Variants in CTNND2 observed in about 807,000 individuals in gnomAD.
The protein encoded by CTNND2 is catenin delta 2.
Under a neutral mutation model 144.4 loss-of-function variants are expected in CTNND2, and 22 were observed. The ratio of observed to expected loss-of-function variants is 0.15; its 90% CI spans 0.11 to 0.22. CTNND2 has a LOEUF of 0.22. Ranked by LOEUF, CTNND2 falls within the 10% of genes least tolerant of loss-of-function variation. CTNND2 has a pLI of 1.00. For missense variants in CTNND2, 1,353 were observed against 1,618.8 expected, an observed-to-expected ratio of 0.84 and a Z score of 2.82; for synonymous variants, 751 against 695.6, an observed-to-expected ratio of 1.08 and a Z score of -1.25.
intron 9 of CTNND2, among the ~76,000 whole-genome samples, chr5:11,337,399 G>T (rs1444968134): frequency 6.6e-6 from 1 of 152,120 alleles, no homozygotes; most frequent in Non-Finnish European, 1.5e-5. Context: ...AAATGCAGAT[G>T]AAGAGAGAGA....
chr5:11,757,860 A>G (rs577213651), intron 1 of CTNND2, among the ~76,000 whole-genome samples: 1 of 152,088 alleles, frequency 6.6e-6, no homozygotes, highest in East Asian at 1.9e-4. Context: ...CCTTACATCC[A>G]ATGTAAAAAG....
chr5:11,633,261 T>C (rs879560900), intron 2 of CTNND2, among the ~76,000 whole-genome samples: 1 of 152,090 alleles, frequency 6.6e-6, no homozygotes, highest in Non-Finnish European at 1.5e-5. Flanking sequence ...AAATTACTCT[T>C]CCTTAACAAG....
chr5:11,441,262 T>A (rs1764233818), intron 3 of CTNND2, among the ~76,000 whole-genome samples: 1 of 152,150 alleles, frequency 6.6e-6, no homozygotes, highest in African/African-American at 2.4e-5. Context: ...TAATTTCACT[T>A]GCCCCGAACA....
intron 2 of CTNND2, among the ~76,000 whole-genome samples, chr5:11,606,470 CAG>C (rs1301541422): frequency 4.1e-5 from 6 of 144,974 alleles, no homozygotes; most frequent in African/African-American, 1.5e-4. Context: ...GCTCTTTGGA[CAG>C]AGTTTGAGGG....
intron 3 of CTNND2, among the ~76,000 whole-genome samples, chr5:11,516,617 A>G (rs2150033057): frequency 6.6e-6 from 1 of 152,312 alleles, no homozygotes; most frequent in South Asian, 2.1e-4. Flanking sequence ...TAATAAAAGC[A>G]AAATAAGTGC....
At chr5:11,370,476 C>T (rs1757370263) in intron 7 of CTNND2, among the ~76,000 whole-genome samples, 2 of 152,188 alleles carry the variant, frequency 1.3e-5, no homozygotes, top group Admixed American at 1.3e-4. Context: ...TAATGTGTTA[C>T]ACCTTCCATT....
intron 10 of CTNND2, among the ~76,000 whole-genome samples, chr5:11,220,073 A>G (rs1312407564): frequency 6.6e-6 from 1 of 152,146 alleles, no homozygotes; most frequent in African/African-American, 2.4e-5. Flanking sequence ...TTTGTAAACG[A>G]TATTATTATT....
At chr5:11,253,598 T>C (rs1330661920) in intron 9 of CTNND2, among the ~76,000 whole-genome samples, 1 of 152,326 alleles carries the variant, frequency 6.6e-6, no homozygotes, top group East Asian at 1.9e-4. Flanking sequence ...GTGAGTCCAT[T>C]AAACCTCTTT....
At chr5:11,767,622 ATCATAT>A (rs1789671955) in intron 1 of CTNND2, among the ~76,000 whole-genome samples, 1 of 152,170 alleles carries the variant, frequency 6.6e-6, no homozygotes, top group Non-Finnish European at 1.5e-5. Flanking sequence ...CCCCTCCTTC[ATCATAT>A]TGAAAATGGA....
chr5:11,796,375 A>G (rs1443639191), intron 1 of CTNND2, among the ~76,000 whole-genome samples: 2 of 152,208 alleles, frequency 1.3e-5, no homozygotes, highest in Non-Finnish European at 2.9e-5. Context: ...CCTAGAAACT[A>G]CTTTTGCACT....
intron 2 of CTNND2, among the ~76,000 whole-genome samples, chr5:11,597,212 G>C (rs1182716238): frequency 6.6e-6 from 1 of 152,092 alleles, no homozygotes; most frequent in African/African-American, 2.4e-5. Context: ...CTCTATTTCC[G>C]AACAGTGCCT....
chr5:11,099,833 C>G (rs545122879), intron 14 of CTNND2, among the ~76,000 whole-genome samples: 17 of 152,038 alleles, frequency 1.1e-4, no homozygotes, highest in Non-Finnish European at 2.2e-4. Context: ...TGAGAAAAAT[C>G]ACAGTAAAAT....
intron 9 of CTNND2, among the ~76,000 whole-genome samples, chr5:11,310,629 C>T (rs967054130): frequency 1.3e-5 from 2 of 151,790 alleles, no homozygotes; most frequent in Non-Finnish European, 2.9e-5. Flanking sequence ...ATGGAAACAC[C>T]CCGAGGACCC....
chr5:10,980,725 A>C (rs1737123915), intron 21 of CTNND2, among the ~76,000 whole-genome samples: 1 of 152,254 alleles, frequency 6.6e-6, no homozygotes, highest in Non-Finnish European at 1.5e-5. Context: ...GCCATAAAAA[A>C]AGGATGAGTT....
At position 11,110,964 on chromosome 5, in the gene CTNND2, C is replaced by A; in HGVS notation, c.2357G>T (p.Gly786Val). The stretch of plus-strand genomic sequence containing the variant: ...GAGTAGCCCGTCCAGCTCGTCCGTG[C>A]CCATGTGCTGTCCCTGAGACGTTTC... ...AAETSQGQHM[G>V]TDELDGLLCG... The change falls in exon 14 of 22, where the codon GGC (glycine) becomes GTC (valine). Residue 786 changes from glycine (G) to valine (V), a missense_variant. Transcript: ENST00000304623. 2 of 1,614,152 alleles carry A rather than the reference C, an allele frequency of 1.2e-6. No individual in the cohort carries two copies. Among genetic ancestry groups the A allele is most frequent in the Non-Finnish European group, 1.7e-6 (2 of 1,180,018 alleles).
At chr5:11,388,568 G>A (rs2149804921) in intron 6 of CTNND2, among the ~76,000 whole-genome samples, 1 of 152,302 alleles carries the variant, frequency 6.6e-6, no homozygotes, top group Middle Eastern at 3.4e-3. Flanking sequence ...AGTAATAAAT[G>A]CCTAAGAACT....
intron 5 of CTNND2, among the ~76,000 whole-genome samples, chr5:11,409,018 A>G (rs1019029825): frequency 6.6e-6 from 1 of 152,030 alleles, no homozygotes; most frequent in Non-Finnish European, 1.5e-5. Context: ...TTTTCCCCAA[A>G]TAAGTACAAC....
chr5:11,824,906 C>A (rs1793519244), intron 1 of CTNND2, among the ~76,000 whole-genome samples: 1 of 152,088 alleles, frequency 6.6e-6, no homozygotes, highest in Admixed American at 6.6e-5. Flanking sequence ...ATAATAGCTG[C>A]AAGATAATCA....
chr5:11,426,556 C>T (rs1762796084), intron 3 of CTNND2, among the ~76,000 whole-genome samples: 1 of 152,172 alleles, frequency 6.6e-6, no homozygotes, highest in East Asian at 1.9e-4. Context: ...CTTGCTGCCT[C>T]GTTCACATAG....
Sources: gnomAD v4.1 joint callset for allele counts (sites outside exome capture counted in the v4.1 genomes callset) on GRCh38, gnomAD v4.1.1 for gene constraint, MANE v1.5 for transcripts, NCBI Gene and HGNC (gene_info 2026-07-23, HGNC 2026-07-21) for gene names.